Variants in DNAJC10 observed in about 807,000 individuals in gnomAD.
DNAJC10 encodes the protein DnaJ heat shock protein family (Hsp40) member C10, also known as endoplasmic reticulum disulfide reductase DNAJC10.
In DNAJC10, 101 loss-of-function variants were observed where a neutral mutation model predicts 115.0. The ratio of observed to expected loss-of-function variants is 0.88; its 90% CI spans 0.75 to 1.04. DNAJC10 has a LOEUF of 1.04. Among genes scored for constraint, DNAJC10 ranks in the 50% least tolerant of loss-of-function variants. The pLI is 0.00. For synonymous variants in DNAJC10, 307 were observed against 301.5 expected (o/e 1.02, Z -0.19); for missense variants, 981 against 928.8 (o/e 1.06, Z -0.73).
intron 16 of DNAJC10, among the ~76,000 whole-genome samples, chr2:182,753,345 G>C (rs1437400442): frequency 1.3e-5 from 2 of 152,094 alleles, no homozygotes; most frequent in East Asian, 3.9e-4. Flanking sequence ...AAAGAAATGG[G>C]AAGAGGAAGG....
intron 22 of DNAJC10, 127 bp downstream of exon 22, chr2:182,762,928 G>A (rs1245725082): frequency 1.8e-6 from 2 of 1,097,954 alleles, no homozygotes; most frequent in Non-Finnish European, 2.5e-6. Flanking sequence ...ACATATTACT[G>A]ATACAAGTTT....
chr2:182,739,923 C>T, intron 11 of DNAJC10: 1 of 986,210 alleles, frequency 1.0e-6, no homozygotes, highest in Non-Finnish European at 1.2e-6. Flanking sequence ...CATTGGCATT[C>T]TGTAAAACAT....
At chr2:182,762,541 A>T in intron 21 of DNAJC10, 141 bp from the exon 22 acceptor site, 1 of 861,918 alleles carries the variant, frequency 1.2e-6, no homozygotes. Context: ...GATAATGTGG[A>T]AATAATCTTG....
At chr2:182,725,474 G>T (rs544237328) in intron 5 of DNAJC10, among the ~76,000 whole-genome samples, 4 of 152,130 alleles carry the variant, frequency 2.6e-5, no homozygotes, top group African/African-American at 9.7e-5. Flanking sequence ...GAAAGTAAAC[G>T]TGCTACTCCA....
intron 16 of DNAJC10, chr2:182,752,430 A>G (rs998354896): frequency 4.9e-5 from 17 of 348,638 alleles, no homozygotes; most frequent in African/African-American, 2.1e-4. Context: ...TCAGGCAACT[A>G]TTTTCATTAA....
In DNAJC10 at chr2:182,784,445, T is replaced by C. The variant is rs1694910588; in HGVS notation, c.*7313T>C. The C allele has an allele frequency of 1.3e-5, 2 of 152,174 alleles. No individual in the cohort carries two copies. The highest frequency in any genetic ancestry group is 4.1e-4 in the South Asian group (2 of 4,824). The allele number at this position is 152,174 out of a possible 1,614,324, so 9.4% of individuals were successfully genotyped here. On this transcript the variant is annotated 3_prime_UTR_variant, in exon 24 of 24. Transcript: ENST00000264065. ...CTGAAGACAGCAGCCACATGTGTCT[T>C]ATTCCCTGCAGTGTTGGCAGAACCT...
At chr2:182,775,071 CTTT>C (rs5836849) in intron 22 of DNAJC10, among the ~76,000 whole-genome samples, 4 of 129,370 alleles carry the variant, frequency 3.1e-5, no homozygotes, top group Admixed American at 7.5e-5. Context: ...GTCAGTGATG[CTTT>C]TTTTTTTTTT....
At chr2:182,769,188 G>A (rs1413982938) in intron 22 of DNAJC10, among the ~76,000 whole-genome samples, 1 of 152,134 alleles carries the variant, frequency 6.6e-6, no homozygotes, top group East Asian at 1.9e-4. Context: ...GTATTCCATG[G>A]TGTATATGTG....
In DNAJC10 at chr2:182,752,164, A is replaced by C. The variant is rs747493044; in HGVS notation, c.1527A>C (p.Thr509=). The change falls in exon 16 of 24, where the codon ACA becomes ACC. Residue 509 remains threonine, a synonymous_variant. Transcript: ENST00000264065. ...GQLKFGTLDC[T]VHEGLCNMYN... is the part of the protein sequence containing the mutation. ...TTAAGTTTGGTACACTAGATTGTAC[A>C]GTTCATGAGGGACTCTGTAACATGG... 6.3e-7 allele frequency: 1 copy of C among 1,584,406 alleles called. No homozygotes were observed. Among genetic ancestry groups the C allele is most frequent in the East Asian group, 2.2e-5 (1 of 44,500 alleles).
rs141079759 is a variant in DNAJC10, at chr2:182,772,857, T to C, written c.2266-2459T>C. Among the ~76,000 whole-genome samples, 1,115 of 152,286 alleles carry C rather than the reference T, an allele frequency of 7.3e-3. 12 individuals are homozygous for C. Among genetic ancestry groups the C allele is most frequent in the African/African-American group, 0.026 (1,061 of 41,572 alleles). On this transcript the variant is annotated intron_variant, in intron 22 of 23. Coordinates refer to ENST00000264065, the MANE Select transcript of DNAJC10 (RefSeq NM_018981.4). ...CATTTACATTTAAGGTTAATATTGT[T>C]ATGTGTGAATTTGATCCTGTCATTA...
chr2:182,742,405 G>A (rs563445094), intron 13 of DNAJC10, among the ~76,000 whole-genome samples: 1 of 152,156 alleles, frequency 6.6e-6, no homozygotes. Flanking sequence ...GGCCAAGCTG[G>A]CCTCGAACTC....
chr2:182,749,124 T>C (rs1362346931), intron 14 of DNAJC10, among the ~76,000 whole-genome samples: 1 of 151,940 alleles, frequency 6.6e-6, no homozygotes, highest in Non-Finnish European at 1.5e-5. Context: ...GAAAAAAATG[T>C]ATATTCTGTT....
chr2:182,734,584 T>G (rs933138732), intron 10 of DNAJC10, among the ~76,000 whole-genome samples: 2 of 151,832 alleles, frequency 1.3e-5, no homozygotes, highest in Admixed American at 1.3e-4. Context: ...GGGTCCAATT[T>G]GTTAGCTATG....
At chr2:182,771,196 G>A (rs1297520765) in intron 22 of DNAJC10, among the ~76,000 whole-genome samples, 1 of 152,126 alleles carries the variant, frequency 6.6e-6, no homozygotes, top group Admixed American at 6.5e-5. Context: ...TGTGCTGCTG[G>A]ATTCAGTTTG....
At chr2:182,754,039 G>C (rs148093822) in intron 16 of DNAJC10, among the ~76,000 whole-genome samples, 2 of 152,240 alleles carry the variant, frequency 1.3e-5, no homozygotes, top group African/African-American at 4.8e-5. Context: ...CTTTGACCAA[G>C]TTACTTAGCC....
At chr2:182,756,164 A>G (rs902745871) in intron 17 of DNAJC10, 150 bp from the exon 18 acceptor site, 2 of 603,428 alleles carry the variant, frequency 3.3e-6, no homozygotes, top group South Asian at 3.9e-5. Flanking sequence ...TTCATTCCCA[A>G]GATATATGCA....
intron 10 of DNAJC10, 35 bp downstream of exon 10, chr2:182,732,577 A>G (rs772672632): frequency 1.3e-6 from 2 of 1,594,338 alleles, no homozygotes; most frequent in Non-Finnish European, 1.7e-6. Context: ...CTATATCACC[A>G]TGTAAAGAAA....
Position 182,781,698 on chromosome 2 carries a change from A to G in DNAJC10, c.*4566A>G, listed in dbSNP as rs1475615939. The G allele has an allele frequency of 6.6e-6, 1 of 152,028 alleles. No homozygotes were observed. Among genetic ancestry groups the G allele is most frequent in the African/African-American group, 2.4e-5 (1 of 41,384 alleles). The allele number at this position is 152,028 out of a possible 1,614,324, so 9.4% of individuals were successfully genotyped here. On this transcript the variant is annotated 3_prime_UTR_variant, in exon 24 of 24. Coordinates refer to ENST00000264065, the MANE Select transcript of DNAJC10 (RefSeq NM_018981.4). Reference sequence around the variant, plus strand: ...GTATCTCATTGTGTTTTTGATTTGCATTTCTCTAATGACCACTGATGATGA... The same window carrying G: ...GTATCTCATTGTGTTTTTGATTTGCGTTTCTCTAATGACCACTGATGATGA...
chr2:182,769,517 T>G (rs1055384696), intron 22 of DNAJC10, among the ~76,000 whole-genome samples: 1 of 152,208 alleles, frequency 6.6e-6, no homozygotes, highest in Non-Finnish European at 1.5e-5. Flanking sequence ...TGATCGCCAT[T>G]CTAACTGGTG....
Sources: gnomAD v4.1 joint callset for allele counts (sites outside exome capture counted in the v4.1 genomes callset) on GRCh38, gnomAD v4.1.1 for gene constraint, MANE v1.5 for transcripts, NCBI Gene and HGNC (gene_info 2026-07-23, HGNC 2026-07-21) for gene names.